AKR1B10: variants seen among roughly 807,000 people sequenced by gnomAD.
AKR1B10 encodes the protein ARP.
AKR1B10 carries 39 observed loss-of-function variants against 38.9 expected under a neutral mutation model. The ratio of observed to expected loss-of-function variants is 1.00; its 90% CI spans 0.78 to 1.31. The LOEUF (loss-of-function observed/expected upper bound fraction) is 1.31. AKR1B10 is among the 50% of genes most tolerant of loss of function. The pLI is 0.00. For synonymous variants in AKR1B10, 148 were observed against 141.2 expected, an observed-to-expected ratio of 1.05 and a Z score of -0.34; for missense variants, 361 against 382.6, an observed-to-expected ratio of 0.94 and a Z score of 0.47.
intron 4 of AKR1B10, chr7:134,535,659 G>A (rs1393765990): frequency 6.1e-6 from 6 of 980,118 alleles, no homozygotes; most frequent in East Asian, 2.3e-4. Flanking sequence ...TGACAACTGC[G>A]GGCTGTATGT....
chr7:134,537,694 A>T, intron 7 of AKR1B10, 33 bp downstream of exon 7: 10 of 1,609,718 alleles, frequency 6.2e-6, no homozygotes, highest in Non-Finnish European at 8.5e-6. Flanking sequence ...GTTATCCAAC[A>T]ACTCATTCTT....
intron 1 of AKR1B10, among the ~76,000 whole-genome samples, chr7:134,529,667 G>C (rs948183608): frequency 1.3e-5 from 2 of 152,166 alleles, no homozygotes; most frequent in African/African-American, 2.4e-5. Flanking sequence ...CACAATTGAA[G>C]AGGTTTAAAA....
intron 1 of AKR1B10, 66 bp from the exon 2 acceptor site, chr7:134,530,577 C>T (rs1163844843): frequency 6.3e-7 from 1 of 1,577,292 alleles, no homozygotes; most frequent in Non-Finnish European, 8.7e-7. Flanking sequence ...CCAGCCTGGG[C>T]AACACGGCAG....
At chr7:134,535,171 T>C (rs534889513) in intron 4 of AKR1B10, among the ~76,000 whole-genome samples, 1 of 152,138 alleles carries the variant, frequency 6.6e-6, no homozygotes, top group Admixed American at 6.5e-5. Flanking sequence ...AGAGACAGGG[T>C]CTTGCTATGT....
In AKR1B10 at chr7:134,541,065, C is replaced by G. The variant is rs1471418488; in HGVS notation, c.927C>G (p.Asp309Glu). ...CCTGCAGATCCTCTCATTTGGAAGA[C>G]TATCCCTTCAATGCAGAATATTGAG... is the stretch of plus-strand genomic sequence containing the variant. ...CNVLQSSHLE[D>E]YPFNAEY Residue 309 changes from aspartate to glutamate, a missense_variant, in exon 10 of 10, where the codon GAC (aspartate) becomes GAG (glutamate). Physicochemically the swap from Asp to Glu is conservative, Grantham distance 45. Coordinates refer to ENST00000359579, the MANE Select transcript of AKR1B10 (RefSeq NM_020299.5). 24 of 1,579,716 alleles carry G rather than the reference C, an allele frequency of 1.5e-5. No homozygotes were observed. Among genetic ancestry groups the G allele is most frequent in the Non-Finnish European group, 2.0e-5 (23 of 1,150,116 alleles).
At chr7:134,540,959 T>G (rs961990552) in intron 9 of AKR1B10, 88 bp from the exon 10 acceptor site, 34 of 942,564 alleles carry the variant, frequency 3.6e-5, no homozygotes, top group Middle Eastern at 4.1e-4. Flanking sequence ...TATGATAGAG[T>G]CCACCAGGGA....
At chr7:134,536,509 G>A (rs1186494537) in intron 4 of AKR1B10, 141 bp from the exon 5 acceptor site, 39 of 1,368,002 alleles carry the variant, frequency 2.9e-5, no homozygotes, top group Non-Finnish European at 3.4e-5. Context: ...CCAGGCCCTG[G>A]ACTAAAATTT....
chr7:134,538,611 G>A (rs13309903), intron 8 of AKR1B10, among the ~76,000 whole-genome samples: 41 of 152,168 alleles, frequency 2.7e-4, no homozygotes, highest in South Asian at 1.5e-3. Flanking sequence ...CTCACTTCCC[G>A]GCAGCAGAGG....
In AKR1B10 at chr7:134,541,373, G is replaced by A. The variant is rs2117559889; in HGVS notation, c.*284G>A. ...GCATCAGAAACTCTGCCAACACTGA[G>A]GATGTAAAGATCAATAAAAAAAATA... On this transcript the variant is annotated 3_prime_UTR_variant, in exon 10 of 10. Coordinates refer to ENST00000359579, the MANE Select transcript of AKR1B10 (RefSeq NM_020299.5). 8.9e-6 allele frequency: 3 copies of A among 337,600 alleles called. No individual in the cohort carries two copies. Among genetic ancestry groups the A allele is most frequent in the South Asian group, 3.9e-5 (1 of 25,578 alleles). 20.9% of individuals were successfully genotyped at this position (337,600 alleles called of 1,614,324 possible).
chr7:134,532,218 T>C (rs1562930041), intron 3 of AKR1B10, among the ~76,000 whole-genome samples, 194 bp downstream of exon 3: 2 of 152,112 alleles, frequency 1.3e-5, no homozygotes, highest in Non-Finnish European at 2.9e-5. Flanking sequence ...CCATGTGTGC[T>C]GCTGAGGTGG....
At position 134,541,183 on chromosome 7, in the gene AKR1B10, T is replaced by G. The variant is rs1808141847; in HGVS notation, c.*94T>G. 2 of 982,642 alleles carry G rather than the reference T, an allele frequency of 2.0e-6. No homozygotes were observed. Among genetic ancestry groups the G allele is most frequent in the Non-Finnish European group, 3.1e-6 (2 of 645,454 alleles). 60.9% of individuals were successfully genotyped at this position (982,642 alleles called of 1,614,324 possible). On this transcript the variant is annotated 3_prime_UTR_variant, in exon 10 of 10. Coordinates refer to ENST00000359579, the MANE Select transcript of AKR1B10 (RefSeq NM_020299.5). ...ATGTCCCATTTTAGCCAAGCTTATT[T>G]AAGATCACAGTGAACTTAGTCCTGT...
Position 134,527,828 on chromosome 7 carries a change from A to C in AKR1B10, c.-84A>C. The C allele has an allele frequency of 6.3e-7, 1 of 1,593,180 alleles. No individual in the cohort carries two copies. Among genetic ancestry groups the C allele is most frequent in the South Asian group, 1.1e-5 (1 of 89,308 alleles). ...ACCACTGCACTCTAGCCTTGGCAAC[A>C]GTGCAAGACTGTCTCAAAAACAGCA... On this transcript the variant is annotated 5_prime_UTR_variant, in exon 1 of 10. Coordinates refer to ENST00000359579, the MANE Select transcript of AKR1B10 (RefSeq NM_020299.5).
intron 4 of AKR1B10, among the ~76,000 whole-genome samples, chr7:134,535,843 TG>T (rs1348480380): frequency 1.3e-5 from 2 of 152,194 alleles, no homozygotes; most frequent in African/African-American, 4.8e-5. Context: ...TGACAACTTC[TG>T]GGCAGGATCT....
chr7:134,528,668 T>A (rs1484422231), intron 1 of AKR1B10, among the ~76,000 whole-genome samples: 1 of 151,992 alleles, frequency 6.6e-6, no homozygotes, highest in African/African-American at 2.4e-5. Flanking sequence ...AAGGCTGCAA[T>A]GAGCAGTGAT....
At chr7:134,530,939 C>A in intron 2 of AKR1B10, 129 bp downstream of exon 2, 1 of 1,281,048 alleles carries the variant, frequency 7.8e-7, no homozygotes, top group Non-Finnish European at 1.1e-6. Context: ...TGATAACATC[C>A]GTGAATACAA....
intron 4 of AKR1B10, among the ~76,000 whole-genome samples, chr7:134,534,924 C>T (rs1328437540): frequency 6.6e-6 from 1 of 152,150 alleles, no homozygotes; most frequent in African/African-American, 2.4e-5. Context: ...AAAATCCCAA[C>T]GTCTAGGCTA....
chr7:134,531,187 C>G (rs1807846999), intron 2 of AKR1B10, among the ~76,000 whole-genome samples: 1 of 152,162 alleles, frequency 6.6e-6, no homozygotes, highest in Non-Finnish European at 1.5e-5. Context: ...GACTGTGCCC[C>G]TGAGACTCTC....
intron 1 of AKR1B10, among the ~76,000 whole-genome samples, chr7:134,529,718 C>T (rs1330489745): frequency 1.3e-5 from 2 of 151,928 alleles, no homozygotes; most frequent in Non-Finnish European, 2.9e-5. Flanking sequence ...GCTTTTTTGC[C>T]CCCATCATTG....
chr7:134,533,402 C>A (rs1046000878), intron 4 of AKR1B10, among the ~76,000 whole-genome samples: 3 of 152,216 alleles, frequency 2.0e-5, no homozygotes, highest in African/African-American at 4.8e-5. Context: ...AGCTGAGTAA[C>A]CTAGGGTCAG....
Sources: gnomAD v4.1 joint callset for allele counts (sites outside exome capture counted in the v4.1 genomes callset) on GRCh38, gnomAD v4.1.1 for gene constraint, MANE v1.5 for transcripts, NCBI Gene and HGNC (gene_info 2026-07-23, HGNC 2026-07-21) for gene names.